The following ADGRL2 variants were observed in gnomAD, a reference collection of about 807,000 sequenced individuals.
The protein encoded by ADGRL2 is adhesion G protein-coupled receptor L2, also known as calcium-independent alpha-latrotoxin receptor 2.
ADGRL2 carries 44 observed loss-of-function variants against 157.4 expected under a neutral mutation model. The observed-to-expected ratio is 0.28, with a 90% confidence interval of 0.22 to 0.36. The LOEUF is 0.36. ADGRL2 is among the 10% of genes least tolerant of loss of function. ADGRL2 has a pLI of 1.00. For synonymous variants in ADGRL2, 585 were observed against 624.7 expected, an observed-to-expected ratio of 0.94 and a Z score of 0.95; for missense variants, 1,510 against 1,768.9, an observed-to-expected ratio of 0.85 and a Z score of 2.63.
At chr1:81,863,849 A>C (rs1292594866) in intron 2 of ADGRL2, among the ~76,000 whole-genome samples, 1 of 152,288 alleles carries the variant, frequency 6.6e-6, no homozygotes, top group South Asian at 2.1e-4. Context: ...CAGTTTTACA[A>C]CACCCTAGAT....
chr1:81,327,092 G>A (rs1305453633), intron 1 of ADGRL2, among the ~76,000 whole-genome samples: 1 of 152,078 alleles, frequency 6.6e-6, no homozygotes, highest in African/African-American at 2.4e-5. Context: ...ATACACTTAT[G>A]TCCTAAGAGT....
chr1:81,884,104 G>A (rs764490780), intron 2 of ADGRL2, among the ~76,000 whole-genome samples: 26 of 151,554 alleles, frequency 1.7e-4, no homozygotes, highest in South Asian at 6.3e-4. Context: ...TCCCCCCTCA[G>A]CCCCCAGAAT....
intron 1 of ADGRL2, among the ~76,000 whole-genome samples, chr1:81,411,080 A>G (rs1259168826): frequency 7.2e-5 from 11 of 152,232 alleles, no homozygotes; most frequent in Non-Finnish European, 1.2e-4. Flanking sequence ...TACTGGCTCC[A>G]AAATGATTGG....
chr1:81,657,645 G>A (rs1237303221), intron 3 of ADGRL2, among the ~76,000 whole-genome samples: 1 of 152,080 alleles, frequency 6.6e-6, no homozygotes, highest in African/African-American at 2.4e-5. Flanking sequence ...GTGCATGTAT[G>A]TGTAGTTTTT....
At chr1:81,620,098 C>T (rs1204739194) in intron 3 of ADGRL2, among the ~76,000 whole-genome samples, 1 of 152,156 alleles carries the variant, frequency 6.6e-6, no homozygotes, top group Non-Finnish European at 1.5e-5. Flanking sequence ...GGGCTGAGAT[C>T]TGAAAGACGA....
At chr1:81,879,368 T>C (rs2093925418) in intron 2 of ADGRL2, among the ~76,000 whole-genome samples, 1 of 152,202 alleles carries the variant, frequency 6.6e-6, no homozygotes, top group African/African-American at 2.4e-5. Flanking sequence ...GACCTTTCTC[T>C]GCCACTGAAT....
chr1:81,990,998 A>G lies in ADGRL2; in HGVS notation c.4263A>G (p.Pro1421=). 6.2e-7 allele frequency: 1 copy of G among 1,614,076 alleles called. No homozygotes were observed. The highest frequency in any genetic ancestry group is 8.5e-7 in the Non-Finnish European group (1 of 1,180,002). Residue 1421 remains proline, a synonymous_variant, in exon 24 of 24, where the codon CCA becomes CCG. Transcript: ENST00000686636. ...AGGACATTTACTATAAAAGCATGCC[A>G]AATCTTGGAGCTGGCCATCAGCTTC... is the stretch of plus-strand genomic sequence containing the variant. ...ENEDIYYKSM[P]NLGAGHQLQM...
At chr1:81,439,835 C>G (rs1222428101) in intron 1 of ADGRL2, among the ~76,000 whole-genome samples, 1 of 152,238 alleles carries the variant, frequency 6.6e-6, no homozygotes, top group African/African-American at 2.4e-5. Flanking sequence ...GCTACCTGCA[C>G]TCAGTGGGTC....
intron 1 of ADGRL2, among the ~76,000 whole-genome samples, chr1:81,433,621 G>T (rs2077360908): frequency 6.6e-6 from 1 of 152,162 alleles, no homozygotes; most frequent in African/African-American, 2.4e-5. Context: ...CTACCCTTCG[G>T]CAAGGAAATT....
At chr1:81,383,448 C>A (rs1234742859) in intron 1 of ADGRL2, among the ~76,000 whole-genome samples, 1 of 152,050 alleles carries the variant, frequency 6.6e-6, no homozygotes, top group East Asian at 1.9e-4. Context: ...ATTTGAGCCA[C>A]CACGGGTGAT....
In ADGRL2 at chr1:81,833,893, G is replaced by A. The variant is rs537837492; in HGVS notation, c.-100-2992G>A. Among the ~76,000 whole-genome samples, 4 of 152,164 alleles carry A rather than the reference G, an allele frequency of 2.6e-5. No individual in the cohort carries two copies. In the South Asian group the frequency reaches 8.3e-4, roughly 32 times the overall value. On this transcript the variant is annotated intron_variant, in intron 1 of 23. Coordinates refer to ENST00000686636, the MANE Select transcript of ADGRL2 (RefSeq NM_001366006.2). The stretch of plus-strand genomic sequence containing the variant: ...CATTAACGGACTTTTTACATGACAG[G>A]GTAATAGGATACTTAGATCAAAAAA...
At chr1:81,796,269 G>T (rs576885301), upstream of ADGRL2, among the ~76,000 whole-genome samples, 1 of 152,150 alleles carries the variant, frequency 6.6e-6, no homozygotes, top group Admixed American at 6.6e-5. Context: ...GATTACAGGC[G>T]TGAGCCACCA....
At position 81,392,380 on chromosome 1, in the gene ADGRL2, C is replaced by T. The variant is rs114464346; in HGVS notation, c.-301-52656C>T. ...TACCTGCCTTCCGGTGTAACTTTGCCGCCTTAGGGTCTTTATGGATACTAA... is the reference window on the plus strand; with the variant it reads ...TACCTGCCTTCCGGTGTAACTTTGCTGCCTTAGGGTCTTTATGGATACTAA... On this transcript the variant is annotated intron_variant, in intron 1 of 24. Coordinates refer to the ADGRL2 transcript ENST00000370721. Among the ~76,000 whole-genome samples, 1,268 of 152,122 alleles carry T rather than the reference C, an allele frequency of 8.3e-3. 17 individuals are homozygous for T. Among genetic ancestry groups the T allele is most frequent in the African/African-American group, 0.028 (1,162 of 41,524 alleles).
Position 81,466,341 on chromosome 1 carries a change from T to G in ADGRL2, c.-248+21252T>G, listed in dbSNP as rs576736032. Among the ~76,000 whole-genome samples, 2 of 152,126 alleles carry G rather than the reference T, an allele frequency of 1.3e-5. 1 individual carries two copies. Reference sequence around the variant, plus strand: ...TCAAAGTGTAGGCTGAAGGTACAGGTTAAATAAATTCGGTTTCGTGCAGTT... The same window carrying G: ...TCAAAGTGTAGGCTGAAGGTACAGGGTAAATAAATTCGGTTTCGTGCAGTT... On this transcript the variant is annotated intron_variant, in intron 2 of 24. Coordinates refer to the ADGRL2 transcript ENST00000370721.
At chr1:81,534,384 A>G (rs1570417998) in intron 2 of ADGRL2, among the ~76,000 whole-genome samples, 3 of 152,270 alleles carry the variant, frequency 2.0e-5, no homozygotes, top group African/African-American at 7.2e-5. Context: ...CTGGCCTCAA[A>G]CTTCTGACCT....
chr1:81,980,768 C>A, intron 18 of ADGRL2: 2 of 661,322 alleles, frequency 3.0e-6, no homozygotes, highest in Non-Finnish European at 5.7e-6. Context: ...CTTCCTTTTC[C>A]TCTTTCTGTC....
intron 2 of ADGRL2, among the ~76,000 whole-genome samples, chr1:81,574,504 G>C (rs2080758398): frequency 6.6e-6 from 1 of 152,124 alleles, no homozygotes; most frequent in African/African-American, 2.4e-5. Flanking sequence ...AGTACAATAT[G>C]CTTCCCGCAG....
At chr1:81,488,341 C>A (rs887344095) in intron 2 of ADGRL2, among the ~76,000 whole-genome samples, 1 of 151,938 alleles carries the variant, frequency 6.6e-6, no homozygotes. Context: ...AAAACGTTAA[C>A]AAAAAACAGC....
At chr1:81,638,113 G>C (rs1371271278) in intron 3 of ADGRL2, among the ~76,000 whole-genome samples, 1 of 151,096 alleles carries the variant, frequency 6.6e-6, no homozygotes, top group East Asian at 1.9e-4. Flanking sequence ...ACGCAAGCAA[G>C]AAGAGAGTGG....
Sources: allele counts gnomAD v4.1 joint callset (sites outside exome capture counted in the v4.1 genomes callset), GRCh38; gene constraint gnomAD v4.1.1; transcripts MANE v1.5; gene names NCBI Gene and HGNC (gene_info 2026-07-23, HGNC 2026-07-21).